The following GFPT2 variants were observed in gnomAD, a reference collection of about 807,000 sequenced individuals.
The protein encoded by GFPT2 is glutamine--fructose-6-phosphate transaminase 2.
In GFPT2, 62 loss-of-function variants were observed where a neutral mutation model predicts 85.6. The observed-to-expected ratio is 0.72, with a 90% confidence interval of 0.59 to 0.90. The LOEUF (loss-of-function observed/expected upper bound fraction) is 0.90, where lower values mean the gene tolerates loss of function less well. GFPT2 is among the 40% of genes least tolerant of loss of function. GFPT2 has a pLI of 0.00. For missense variants in GFPT2, 788 were observed against 893.4 expected, an observed-to-expected ratio of 0.88 and a Z score of 1.50; for synonymous variants, 368 against 344.5, an observed-to-expected ratio of 1.07 and a Z score of -0.75.
At chr5:180,311,030 GA>G (rs1306666370) in intron 15 of GFPT2, among the ~76,000 whole-genome samples, 1 of 152,160 alleles carries the variant, frequency 6.6e-6, no homozygotes, top group Non-Finnish European at 1.5e-5. Context: ...GCTTTTCTCA[GA>G]AATAAACTTT....
chr5:180,343,230 C>T (rs1049028096), intron 1 of GFPT2, among the ~76,000 whole-genome samples: 1 of 152,170 alleles, frequency 6.6e-6, no homozygotes, highest in African/African-American at 2.4e-5. Context: ...CTCTGCAACT[C>T]CCCCCTGCAG....
rs78612231 is a variant in GFPT2 at position 180,328,071 on chromosome 5, CTT to C, written c.596+204_596+205del. On this transcript the variant is annotated intron_variant, in intron 7 of 18. Coordinates refer to ENST00000253778, the MANE Select transcript of GFPT2 (RefSeq NM_005110.4). The surrounding 1 kb of genome is among the most constrained non-coding windows in gnomAD (Gnocchi z 5.4). Reference sequence around the variant, plus strand: ...AAACACAAATCCAACTTTCTGGTTTCTTTTTTTTTTTTTTTAATTCAGAAGTG... The same window carrying C: ...AAACACAAATCCAACTTTCTGGTTTCTTTTTTTTTTTTTAATTCAGAAGTG... Among the ~76,000 whole-genome samples, 117 of 143,124 alleles carry C rather than the reference CTT, an allele frequency of 8.2e-4. No individual in the cohort carries two copies. Among genetic ancestry groups the C allele is most frequent in the Non-Finnish European group, 8.6e-4 (56 of 65,374 alleles). 93.9% of individuals were successfully genotyped at this position (143,124 alleles called of 152,430 possible). A position where few individuals can be genotyped will look rare whatever the true frequency, so the allele number is the denominator to read the frequency against.
At chr5:180,303,063 A>G (rs934566005) in intron 17 of GFPT2, among the ~76,000 whole-genome samples, 4 of 143,834 alleles carry the variant, frequency 2.8e-5, no homozygotes, top group African/African-American at 9.8e-5. Flanking sequence ...CCCTGTCTCT[A>G]CTAAAAAATA....
chr5:180,303,125 G>A lies in GFPT2; in HGVS notation c.1843-541C>T. Among the ~76,000 whole-genome samples, 2 of 148,426 alleles carry A rather than the reference G, an allele frequency of 1.3e-5. 1 individual carries two copies. ...GGGGCCTGTAGTCCCAGCTACTGGG[G>A]AGGCTGAGGCAGGAGAATGGCGTGA... On this transcript the variant is annotated intron_variant, in intron 17 of 18. Coordinates refer to ENST00000253778, the MANE Select transcript of GFPT2 (RefSeq NM_005110.4).
intron 1 of GFPT2, among the ~76,000 whole-genome samples, chr5:180,344,512 C>T (rs930180163): frequency 1.4e-4 from 21 of 152,270 alleles, no homozygotes; most frequent in Admixed American, 2.0e-4. Context: ...TAACATGGAC[C>T]GACTGTTTGG....
intron 2 of GFPT2, 78 bp downstream of exon 2, chr5:180,338,415 C>T (rs979943297): frequency 1.8e-5 from 11 of 598,120 alleles, no homozygotes; most frequent in Admixed American, 1.6e-4. Flanking sequence ...GGTTGTAAAC[C>T]CCCCTGCAGT....
At chr5:180,329,994 G>A (rs112760913) in intron 6 of GFPT2, among the ~76,000 whole-genome samples, 2,783 of 152,234 alleles carry the variant, frequency 0.018, 49 homozygotes, top group Admixed American at 0.03. Flanking sequence ...GGGCCATTCC[G>A]TTCCACATAC....
chr5:180,332,403 C>A (rs758127518), intron 4 of GFPT2, among the ~76,000 whole-genome samples: 13 of 152,196 alleles, frequency 8.5e-5, no homozygotes, highest in African/African-American at 2.9e-4. Context: ...TCCCTCTCCC[C>A]CTAGAGGACA....
chr5:180,352,629 G>A, intron 1 of GFPT2: 1 of 448,952 alleles, frequency 2.2e-6, no homozygotes, highest in South Asian at 1.6e-5. Flanking sequence ...TAACGCGGCA[G>A]CGACCCTTCT....
intron 9 of GFPT2, among the ~76,000 whole-genome samples, chr5:180,321,874 C>T (rs1764129335): frequency 6.6e-6 from 1 of 152,214 alleles, no homozygotes; most frequent in African/African-American, 2.4e-5. Flanking sequence ...AGCTCCGCCT[C>T]CCGGGTTCAC....
At chr5:180,344,932 G>A (rs1452119269) in intron 1 of GFPT2, among the ~76,000 whole-genome samples, 1 of 152,220 alleles carries the variant, frequency 6.6e-6, no homozygotes, top group South Asian at 2.1e-4. Flanking sequence ...CACCCGCCTG[G>A]GTTGGCTTCC....
chr5:180,333,084 T>C (rs1204649947), intron 4 of GFPT2, among the ~76,000 whole-genome samples: 1 of 152,152 alleles, frequency 6.6e-6, no homozygotes, highest in Non-Finnish European at 1.5e-5. Context: ...CAGCTTTATT[T>C]TTTATGTATT....
chr5:180,352,728 G>T, intron 1 of GFPT2: 1 of 405,102 alleles, frequency 2.5e-6, no homozygotes, highest in Non-Finnish European at 4.9e-6. Context: ...GGCGGGCTGC[G>T]GGGACGGCGG....
rs971409521 is a variant in GFPT2, at chr5:180,336,669, C to T, written c.116-92G>A. On this transcript the variant is annotated intron_variant, in intron 2 of 18. Transcript: ENST00000253778. ...TCCGCAGGGTCAGGGCTGCATGCCC[C>T]GGGCTGTCCGTTTATGGCAGGTTGG... is the stretch of plus-strand genomic sequence containing the variant. The T allele has an allele frequency of 3.8e-5, 32 of 836,182 alleles. No individual in the cohort carries two copies. In the East Asian group the frequency reaches 5.8e-4, roughly 15 times the overall value. The allele number at this position is 836,182 out of a possible 1,614,324, so 51.8% of individuals were successfully genotyped here. A position where few individuals can be genotyped will look rare whatever the true frequency, so the allele number is the denominator to read the frequency against.
chr5:180,352,974 G>C (rs545624638), intron 1 of GFPT2: 1 of 393,338 alleles, frequency 2.5e-6, no homozygotes, highest in African/African-American at 2.1e-5. Context: ...CACTGTGTCC[G>C]AGACCAGGAG....
intron 16 of GFPT2, 148 bp from the exon 17 acceptor site, chr5:180,305,087 G>A (rs1763749746): frequency 1.5e-6 from 1 of 661,142 alleles, no homozygotes; most frequent in East Asian, 2.5e-5. Flanking sequence ...TGGAGTGCTT[G>A]ACAGCACTGA....
Position 180,307,827 on chromosome 5 carries a change from T to G in GFPT2, c.1547-524A>C, listed in dbSNP as rs117484455. Among the ~76,000 whole-genome samples the G allele has an allele frequency of 1.8e-3, 277 of 152,352 alleles. 4 individuals carry two copies. In the East Asian group the frequency reaches 0.031, roughly 17 times the overall value. On this transcript the variant is annotated intron_variant, in intron 15 of 18. Coordinates refer to ENST00000253778, the MANE Select transcript of GFPT2 (RefSeq NM_005110.4). ...CATTTACCAGATTAGAAAATAACAC[T>G]GAGGACCAGGCGTGGTGGCTCACGC...
At chr5:180,342,194 C>T (rs768967544) in intron 1 of GFPT2, among the ~76,000 whole-genome samples, 21 of 152,112 alleles carry the variant, frequency 1.4e-4, no homozygotes, top group Admixed American at 3.3e-4. Flanking sequence ...GTCCATTAAC[C>T]CTCTTTCTTT....
rs571025804 is a variant in GFPT2 at position 180,303,953 on chromosome 5, A to G, written c.1842+819T>C. On this transcript the variant is annotated intron_variant, in intron 17 of 18. Coordinates refer to ENST00000253778, the MANE Select transcript of GFPT2 (RefSeq NM_005110.4). ...GATTAGAAGGTTGGGGCTTTGAGACATGAGCCTGTCAGTCTGACCTCCCAA... is the reference window on the plus strand; with the variant it reads ...GATTAGAAGGTTGGGGCTTTGAGACGTGAGCCTGTCAGTCTGACCTCCCAA... 2.2e-3 allele frequency among the ~76,000 whole-genome samples: 337 copies of G among 152,302 alleles called. 2 individuals carry two copies. The highest frequency in any genetic ancestry group is 7.9e-3 in the African/African-American group (327 of 41,562).
Sources: gnomAD v4.1 joint callset for allele counts (sites outside exome capture counted in the v4.1 genomes callset) on GRCh38, gnomAD v4.1.1 for gene constraint, Gnocchi (gnomAD v3.1) non-coding constraint, MANE v1.5 for transcripts, NCBI Gene and HGNC (gene_info 2026-07-23, HGNC 2026-07-21) for gene names.